ADGRF5: variants seen among roughly 807,000 people sequenced by gnomAD.
ADGRF5 encodes adhesion G protein-coupled receptor F5, also known as G-protein coupled receptor 116.
In ADGRF5, 75 loss-of-function variants were observed where a neutral mutation model predicts 132.3. That is an observed-to-expected ratio of 0.57 (90% CI 0.47 to 0.69). ADGRF5 has a LOEUF of 0.69. Ranked by LOEUF, ADGRF5 falls within the 30% of genes least tolerant of loss-of-function variation. The pLI is 0.00. For missense variants in ADGRF5, 1,516 were observed against 1,630.6 expected, an observed-to-expected ratio of 0.93 and a Z score of 1.21; for synonymous variants, 629 against 597.6, an observed-to-expected ratio of 1.05 and a Z score of -0.77.
At chr6:46,926,482 A>AG (rs5875991), upstream of ADGRF5, among the ~76,000 whole-genome samples, 17 of 151,472 alleles carry the variant, frequency 1.1e-4, no homozygotes, top group East Asian at 3.9e-4. Context: ...ATCTCGGGTG[A>AG]GGGGGGGGGC....
intron 1 of ADGRF5, among the ~76,000 whole-genome samples, chr6:46,933,972 T>C (rs1777691993): frequency 6.6e-6 from 1 of 152,236 alleles, no homozygotes; most frequent in Admixed American, 6.5e-5. Context: ...CATCTATTTT[T>C]AGTTTCTTCC....
At chr6:46,954,111 A>G (rs553398271) in intron 1 of ADGRF5, among the ~76,000 whole-genome samples, 1 of 152,176 alleles carries the variant, frequency 6.6e-6, no homozygotes, top group Admixed American at 6.5e-5. Context: ...CACCACCACA[A>G]GCCTCCGAGA....
chr6:46,878,085 T>C (rs1045855492), intron 10 of ADGRF5, 117 bp downstream of exon 10: 2 of 723,146 alleles, frequency 2.8e-6, no homozygotes, highest in Non-Finnish European at 4.9e-6. Flanking sequence ...TTTCACAGTC[T>C]GAAATCCAGA....
chr6:46,901,958 G>A (rs981860707), intron 2 of ADGRF5, among the ~76,000 whole-genome samples: 1 of 152,108 alleles, frequency 6.6e-6, no homozygotes, highest in Non-Finnish European at 1.5e-5. Flanking sequence ...TACTGGTTGA[G>A]GAATGTATTA....
In ADGRF5 at chr6:46,888,547, G is replaced by A. The variant is rs146532231; in HGVS notation, c.158-42C>T. The A allele has an allele frequency of 1.3e-4, 174 of 1,372,648 alleles. No homozygotes were observed. The East Asian group carries it at 3.6e-3, about 29-fold the overall frequency. The allele number at this position is 1,372,648 out of a possible 1,614,324, so 85.0% of individuals were successfully genotyped here. ...TGAAGGCTGAGAGAACTTACCATGG[G>A]AGATGGAGTAAGATCATGATGGATA... is the stretch of plus-strand genomic sequence containing the variant. On this transcript the variant is annotated intron_variant, in intron 3 of 20. Coordinates refer to ENST00000283296, the MANE Select transcript of ADGRF5 (RefSeq NM_001098518.2).
chr6:46,928,322 A>C (rs1777358566), intron 1 of ADGRF5, among the ~76,000 whole-genome samples: 1 of 152,162 alleles, frequency 6.6e-6, no homozygotes. Context: ...TTGGTGCAAA[A>C]GAAAAACAGC....
chr6:46,949,187 T>G (rs968466930), intron 1 of ADGRF5, among the ~76,000 whole-genome samples: 2 of 152,204 alleles, frequency 1.3e-5, no homozygotes, highest in African/African-American at 4.8e-5. Flanking sequence ...TAGCATTTGC[T>G]TATAACTGTT....
In ADGRF5 at chr6:46,891,025, C is replaced by A. The variant is rs186636965; in HGVS notation, c.158-2520G>T. ...TTAGGTCTTTGGATTTACCCATCAA[C>A]CTTGTTGAGAATTATTTCATCCTGG... On this transcript the variant is annotated intron_variant, in intron 3 of 20. Coordinates refer to ENST00000283296, the MANE Select transcript of ADGRF5 (RefSeq NM_001098518.2). Among the ~76,000 whole-genome samples, 567 of 152,268 alleles carry A rather than the reference C, an allele frequency of 3.7e-3. 6 individuals carry two copies. The highest frequency in any genetic ancestry group is 0.031 in the South Asian group (149 of 4,826).
chr6:46,869,788 C>G (rs1770846782), intron 11 of ADGRF5, among the ~76,000 whole-genome samples: 1 of 152,164 alleles, frequency 6.6e-6, no homozygotes, highest in Non-Finnish European at 1.5e-5. Context: ...ATAATTACAC[C>G]TGCACTGTCA....
intron 1 of ADGRF5, among the ~76,000 whole-genome samples, chr6:46,947,629 C>A (rs548028374): frequency 6.6e-6 from 1 of 152,294 alleles, no homozygotes; most frequent in South Asian, 2.1e-4. Context: ...TGAGGAGTAA[C>A]AAAGAGAGGA....
At chr6:46,919,564 G>A (rs1022164396) in intron 1 of ADGRF5, among the ~76,000 whole-genome samples, 12 of 152,142 alleles carry the variant, frequency 7.9e-5, no homozygotes, top group East Asian at 3.9e-4. Context: ...ACCCCATAGC[G>A]CAGTAAGTGA....
At chr6:46,880,061 A>G (rs1329714312) in intron 8 of ADGRF5, 22 bp from the exon 9 acceptor site, 2 of 1,542,092 alleles carry the variant, frequency 1.3e-6, no homozygotes, top group Admixed American at 3.3e-5. Flanking sequence ...AAGAAAAGTT[A>G]ATAAGATCCC....
chr6:46,938,067 A>T (rs909531722), intron 1 of ADGRF5, among the ~76,000 whole-genome samples: 1 of 152,194 alleles, frequency 6.6e-6, no homozygotes, highest in Non-Finnish European at 1.5e-5. Flanking sequence ...CAATACCAGA[A>T]ATGTTTCCTA....
rs1771110371 is a variant in ADGRF5 at position 46,871,960 on chromosome 6, C to T, written c.1294G>A (p.Asp432Asn). The change falls in exon 11 of 21, where the codon GAT becomes AAT. Residue 432 changes from aspartate (D) to asparagine (N), a missense_variant. Physicochemically the swap from Asp to Asn is conservative, Grantham distance 23 (BLOSUM62 1). Coordinates refer to ENST00000283296, the MANE Select transcript of ADGRF5 (RefSeq NM_001098518.2). ...GACCCGCTTGGGCACTGGGTTCCATCAGCCTTGAGGGTGTATCTGCTGCAG... is the reference window on the plus strand; with the variant it reads ...GACCCGCTTGGGCACTGGGTTCCATTAGCCTTGAGGGTGTATCTGCTGCAG... ...SSCSRYTLKADGTQCPSGSSG... is the reference protein window; with the variant it reads ...SSCSRYTLKANGTQCPSGSSG... 6.2e-7 allele frequency: 1 copy of T among 1,613,464 alleles called. No individual in the cohort carries two copies. The highest frequency in any genetic ancestry group is 8.5e-7 in the Non-Finnish European group (1 of 1,179,542).
chr6:46,951,227 G>A (rs1778489471), intron 1 of ADGRF5, among the ~76,000 whole-genome samples: 2 of 152,228 alleles, frequency 1.3e-5, no homozygotes. Context: ...GAAGCCTGGA[G>A]GCAGAAAGGC....
chr6:46,931,833 T>A (rs1777570375), intron 1 of ADGRF5, among the ~76,000 whole-genome samples: 1 of 152,220 alleles, frequency 6.6e-6, no homozygotes, highest in Admixed American at 6.5e-5. Flanking sequence ...GGCAGAAGAA[T>A]CGCTTGAACC....
At chr6:46,890,960 G>C (rs1262572022) in intron 3 of ADGRF5, among the ~76,000 whole-genome samples, 1 of 152,134 alleles carries the variant, frequency 6.6e-6, no homozygotes, top group Admixed American at 6.5e-5. Context: ...ATTTCAGAAA[G>C]CTGTAACATT....
chr6:46,891,793 A>C (rs1309757228), intron 3 of ADGRF5, among the ~76,000 whole-genome samples: 1 of 152,218 alleles, frequency 6.6e-6, no homozygotes, highest in Non-Finnish European at 1.5e-5. Context: ...CAAAGCATCA[A>C]GAACTAAGAG....
upstream of ADGRF5, among the ~76,000 whole-genome samples, chr6:46,924,143 G>A (rs868010802): frequency 9.9e-5 from 15 of 152,196 alleles, no homozygotes; most frequent in African/African-American, 3.6e-4. Context: ...CTTTCACTCT[G>A]CCCTTCTCCT....
Sources: allele counts gnomAD v4.1 joint callset (sites outside exome capture counted in the v4.1 genomes callset), GRCh38; gene constraint gnomAD v4.1.1; transcripts MANE v1.5; gene names NCBI Gene and HGNC (gene_info 2026-07-23, HGNC 2026-07-21).